Variants in MAGEC3 observed in about 807,000 individuals in gnomAD.
MAGEC3 encodes the protein melanoma-associated antigen C3.
MAGEC3 carries 34 observed loss-of-function variants against 35.3 expected under a neutral mutation model. The ratio of observed to expected loss-of-function variants is 0.96; its 90% CI spans 0.73 to 1.28. The LOEUF (loss-of-function observed/expected upper bound fraction) is 1.28. MAGEC3 is among the 50% of genes most tolerant of loss of function. The pLI is 0.00. For missense variants in MAGEC3, 561 were observed against 483.6 expected (o/e 1.16, Z -1.50); for synonymous variants, 202 against 185.6 (o/e 1.09, Z -0.72).
intron 4 of MAGEC3, among the ~76,000 whole-genome samples, chrX:141,891,359 CTTG>C (rs1425415274): frequency 5.4e-5 from 6 of 111,471 alleles, no homozygotes; most frequent in East Asian, 2.8e-4. Flanking sequence ...CAAAAATAAA[CTTG>C]TTGTGTTAAA....
intron 1 of MAGEC3, among the ~76,000 whole-genome samples, chrX:141,846,391 A>T (rs1349471402): frequency 9.1e-6 from 1 of 109,940 alleles, no homozygotes; most frequent in Non-Finnish European, 1.9e-5. Flanking sequence ...AGTTGCTACA[A>T]TATACAAATC....
intron 2 of MAGEC3, among the ~76,000 whole-genome samples, chrX:141,869,127 A>G (rs919716157): frequency 9.1e-5 from 10 of 109,939 alleles, no homozygotes; most frequent in Non-Finnish European, 1.7e-4. Context: ...CTCGTAATCC[A>G]CCTGCCTCGG....
chrX:141,891,865 C>T lies in MAGEC3; in HGVS notation c.910-3404C>T, dbSNP rs189775261. On this transcript the variant is annotated intron_variant, in intron 4 of 7. Transcript: ENST00000298296. ...TAAAGTTCTATCTTGAAATTAAAAA[C>T]GTGACATTATTTGGAGATAGGATTA... is the stretch of plus-strand genomic sequence containing the variant. Among the ~76,000 whole-genome samples the T allele has an allele frequency of 6.0e-3, 659 of 109,450 alleles. 5 individuals carry two copies. Among genetic ancestry groups the T allele is most frequent in the African/African-American group, 0.02 (617 of 30,101 alleles).
At chrX:141,865,360 A>C in intron 1 of MAGEC3, 111 bp from the exon 2 acceptor site, 1 of 716,160 alleles carries the variant, frequency 1.4e-6, no homozygotes. Flanking sequence ...TTTTTTCTCT[A>C]ATTGCTTTCA....
Position 141,895,412 on chromosome X carries a change from G to C in MAGEC3, c.1048+5G>C. On this transcript the variant is annotated splice_donor_5th_base_variant and intron_variant, in intron 5 of 7. Transcript: ENST00000298296. ...TAGACCTGGCCAATCCTCAAGGTAA[G>C]GGCCCTAAGGGAGAACTGAGGGACT... 8.3e-7 allele frequency: 1 copy of C among 1,210,738 alleles called. No individual in the cohort carries two copies. The highest frequency in any genetic ancestry group is 1.1e-6 in the Non-Finnish European group (1 of 895,183).
At chrX:141,854,144 T>C (rs1364198432) in intron 1 of MAGEC3, among the ~76,000 whole-genome samples, 2 of 111,481 alleles carry the variant, frequency 1.8e-5, no homozygotes, top group Non-Finnish European at 3.8e-5. Context: ...TGTCTTTATG[T>C]AATTTATAGC....
chrX:141,846,708 T>C lies in MAGEC3; in HGVS notation c.123+8270T>C, dbSNP rs1423752316. Among the ~76,000 whole-genome samples, 3 of 111,345 alleles carry C rather than the reference T, an allele frequency of 2.7e-5. No homozygotes were observed. In the East Asian group the frequency reaches 8.5e-4, roughly 31 times the overall value. ...ATATCTCAACAACACAATATCTTCA[T>C]TACCTAGAAGAGTAAGAATGTAACT... On this transcript the variant is annotated intron_variant, in intron 1 of 7. Coordinates refer to ENST00000298296, the MANE Select transcript of MAGEC3 (RefSeq NM_138702.1).
intron 1 of MAGEC3, among the ~76,000 whole-genome samples, chrX:141,843,584 T>C (rs940185475): frequency 9.0e-6 from 1 of 110,786 alleles, no homozygotes. Context: ...ATGAACAGAA[T>C]GCTCCTCAAG....
chrX:141,879,908 G>A (rs981204491), intron 3 of MAGEC3, among the ~76,000 whole-genome samples: 2 of 111,027 alleles, frequency 1.8e-5, no homozygotes, highest in Admixed American at 9.5e-5. Context: ...GGGAGGAGGT[G>A]CCAGCTCTCT....
At chrX:141,881,222 C>T (rs1028222069) in intron 3 of MAGEC3, among the ~76,000 whole-genome samples, 181 bp from the exon 4 acceptor site, 4 of 110,524 alleles carry the variant, frequency 3.6e-5, no homozygotes, top group Non-Finnish European at 7.6e-5. Context: ...ATTCTTGGTG[C>T]TCATGAGGAG....
chrX:141,849,160 C>T (rs904565514), intron 1 of MAGEC3, among the ~76,000 whole-genome samples: 1 of 110,499 alleles, frequency 9.0e-6, no homozygotes, highest in African/African-American at 3.3e-5. Flanking sequence ...ACGAGGCCAA[C>T]GAAAACAAGC....
intron 1 of MAGEC3, among the ~76,000 whole-genome samples, chrX:141,856,447 TC>T (rs1051633230): frequency 9.0e-6 from 1 of 111,302 alleles, no homozygotes; most frequent in African/African-American, 3.3e-5. Context: ...ACTGAGAGAG[TC>T]GGCTTTTTAA....
intron 1 of MAGEC3, among the ~76,000 whole-genome samples, chrX:141,858,073 C>T (rs1119116): frequency 0.36 from 39,055 of 109,416 alleles, 5,410 homozygotes; most frequent in Non-Finnish European, 0.43. Context: ...GTGATAGTTA[C>T]ACTTTATATA....
chrX:141,848,073 T>C (rs1384131925), intron 1 of MAGEC3, among the ~76,000 whole-genome samples: 1 of 110,145 alleles, frequency 9.1e-6, no homozygotes, highest in Non-Finnish European at 1.9e-5. Context: ...TACATATGTG[T>C]GTGTAGTATG....
Position 141,897,386 on chromosome X carries a change from T to G in MAGEC3, c.1628T>G (p.Met543Arg), listed in dbSNP as rs2018111156. 8.3e-7 allele frequency: 1 copy of G among 1,210,241 alleles called. No homozygotes were observed. Among genetic ancestry groups the G allele is most frequent in the Admixed American group, 2.2e-5 (1 of 45,830 alleles). Residue 543 changes from methionine to arginine, a missense_variant, in exon 7 of 8, where the codon ATG (methionine) becomes AGG (arginine). Met to Arg is a moderately conservative substitution (Grantham distance 91, BLOSUM62 -1). Transcript: ENST00000298296. ...YEGSLIDDQG[M>R]PKNCLLILIL... ...GGAAGCCTGATTGATGACCAGGGCA[T>G]GCCCAAGAACTGTCTCCTGATTCTT... is the stretch of plus-strand genomic sequence containing the variant.
intron 4 of MAGEC3, among the ~76,000 whole-genome samples, chrX:141,884,638 A>G (rs2017989251): frequency 9.0e-6 from 1 of 111,408 alleles, no homozygotes; most frequent in Non-Finnish European, 1.9e-5. Context: ...AGACCCAAAA[A>G]TGCTAAGGAC....
intron 1 of MAGEC3, chrX:141,838,646 A>G: frequency 1.3e-6 from 1 of 746,144 alleles, no homozygotes; most frequent in Non-Finnish European, 1.6e-6. Flanking sequence ...ATCTCCAGGG[A>G]AACATCAGAC....
chrX:141,871,476 G>T (rs756838218), intron 2 of MAGEC3, among the ~76,000 whole-genome samples: 3 of 111,795 alleles, frequency 2.7e-5, no homozygotes, highest in Non-Finnish European at 5.6e-5. Flanking sequence ...ACAGAGTGGA[G>T]AGAAGTAATT....
intron 1 of MAGEC3, among the ~76,000 whole-genome samples, chrX:141,849,796 G>T (rs1470051687): frequency 9.0e-6 from 1 of 111,574 alleles, no homozygotes; most frequent in Non-Finnish European, 1.9e-5. Context: ...TGTTGGGAAT[G>T]AAAATTTCTT....
Sources: allele counts gnomAD v4.1 joint callset (sites outside exome capture counted in the v4.1 genomes callset), GRCh38; gene constraint gnomAD v4.1.1; transcripts MANE v1.5; gene names NCBI Gene and HGNC (gene_info 2026-07-23, HGNC 2026-07-21).